NEDD4L: variants seen among roughly 807,000 people sequenced by gnomAD.
NEDD4L encodes NEDD4 like E3 ubiquitin protein ligase.
Under a neutral mutation model 148.9 loss-of-function variants are expected in NEDD4L, and 54 were observed. The ratio of observed to expected loss-of-function variants is 0.36; its 90% CI spans 0.29 to 0.45. The LOEUF (loss-of-function observed/expected upper bound fraction) is 0.45. NEDD4L is among the 20% of genes least tolerant of loss of function. NEDD4L has a pLI of 1.00. For synonymous variants in NEDD4L, 433 were observed against 440.7 expected (o/e 0.98, Z 0.22); for missense variants, 856 against 1,233.8 (o/e 0.69, Z 4.59).
Position 58,256,593 on chromosome 18 carries a change from G to T in NEDD4L, c.297+4539G>T, listed in dbSNP as rs368770950. ...GCTGGCAGGATGGCTCCTGAAATCC[G>T]CAGGACGAACTCCGCGGAGAGGACT... On this transcript the variant is annotated intron_variant, in intron 5 of 30. Coordinates refer to ENST00000400345, the MANE Select transcript of NEDD4L (RefSeq NM_001144967.3). This position sits in a 1 kb window ranked among gnomAD's most constrained non-coding sequence, Gnocchi z 5.2. 8.1e-6 allele frequency: 10 copies of T among 1,232,268 alleles called. No homozygotes were observed. The highest frequency in any genetic ancestry group is 1.5e-5 in the African/African-American group (1 of 64,554). The allele number at this position is 1,232,268 out of a possible 1,614,324, so 76.3% of individuals were successfully genotyped here.
intron 10 of NEDD4L, among the ~76,000 whole-genome samples, chr18:58,329,428 C>T (rs1022555822): frequency 3.3e-5 from 5 of 152,076 alleles, no homozygotes; most frequent in African/African-American, 1.2e-4. Context: ...GCAGTCTTGG[C>T]TCACTGCAAC....
At chr18:58,122,593 A>C (rs1292664830) in intron 1 of NEDD4L, among the ~76,000 whole-genome samples, 2 of 152,174 alleles carry the variant, frequency 1.3e-5, no homozygotes. Flanking sequence ...AGAGACTTAA[A>C]ATTTGTGGTA....
intron 2 of NEDD4L, among the ~76,000 whole-genome samples, chr18:58,172,715 G>A (rs1023564491): frequency 5.9e-5 from 9 of 152,188 alleles, no homozygotes; most frequent in African/African-American, 1.7e-4. Context: ...ATTAGATTCT[G>A]CCTAAATCTT....
chr18:58,234,042 T>TC (rs2045586154), intron 2 of NEDD4L, among the ~76,000 whole-genome samples: 1 of 149,688 alleles, frequency 6.7e-6, no homozygotes, highest in Non-Finnish European at 1.5e-5. Context: ...CTCATTTCTT[T>TC]CCTTTTCTTT....
At chr18:58,290,013 A>G (rs1329434485) in intron 5 of NEDD4L, among the ~76,000 whole-genome samples, 1 of 152,234 alleles carries the variant, frequency 6.6e-6, no homozygotes, top group Non-Finnish European at 1.5e-5. Flanking sequence ...GATATGTTTA[A>G]TATTCATCTA....
At position 58,044,500 on chromosome 18, in the gene NEDD4L, CG is replaced by C; in HGVS notation, c.-158del. ...GCCGGCAGCGTCCAGGGCGCGCTCT[CG>C]GGCACCCTCACCTGCCGGCGCCCGG... On this transcript the variant is annotated 5_prime_UTR_variant, in exon 1 of 31. Transcript: ENST00000400345. 1 of 993,954 alleles carries C rather than the reference CG, an allele frequency of 1.0e-6. No homozygotes were observed. Among genetic ancestry groups the C allele is most frequent in the Non-Finnish European group, 1.3e-6 (1 of 764,088 alleles). The allele number at this position is 993,954 out of a possible 1,614,324, so 61.6% of individuals were successfully genotyped here. A position where few individuals can be genotyped will look rare whatever the true frequency, so the allele number is the denominator to read the frequency against.
At chr18:58,059,417 G>T (rs533596836) in intron 1 of NEDD4L, among the ~76,000 whole-genome samples, 3 of 152,298 alleles carry the variant, frequency 2.0e-5, no homozygotes, top group African/African-American at 4.8e-5. Flanking sequence ...TCTTAAAAGG[G>T]CAAAGAAGGT....
chr18:58,192,125 T>G (rs918985066), intron 2 of NEDD4L, among the ~76,000 whole-genome samples: 3 of 152,156 alleles, frequency 2.0e-5, no homozygotes, highest in African/African-American at 7.2e-5. Context: ...GAGCTGAGAT[T>G]GCACCATTGC....
At chr18:58,356,562 T>G (rs1418089625) in intron 18 of NEDD4L, among the ~76,000 whole-genome samples, 1 of 152,212 alleles carries the variant, frequency 6.6e-6, no homozygotes, top group Non-Finnish European at 1.5e-5. Context: ...ATTAACTCAC[T>G]TGGAAGAAAG....
intron 5 of NEDD4L, among the ~76,000 whole-genome samples, chr18:58,282,150 T>G (rs1047665304): frequency 8.9e-6 from 1 of 112,148 alleles, no homozygotes; most frequent in Non-Finnish European, 1.9e-5. Flanking sequence ...AAGGTCTCTC[T>G]GAGTTTCACA....
rs1390594086 is a variant in NEDD4L, at chr18:58,333,892, G to A, written c.1065G>A (p.Pro355=). ...DAVAEQGHLP[P]PSAPAGRARS... is the part of the protein sequence containing the mutation. ...TTGCAGAACAGGGCCATCTACCACCGGTAACCCATGCTAATTTCCAGTCAT... is the reference window on the plus strand; with the variant it reads ...TTGCAGAACAGGGCCATCTACCACCAGTAACCCATGCTAATTTCCAGTCAT... The change falls in exon 12 of 31, where the codon CCG becomes CCA. Residue 355 remains proline (P), a splice_region_variant and synonymous_variant. Transcript: ENST00000400345. 3.7e-6 allele frequency: 6 copies of A among 1,605,012 alleles called. No homozygotes were observed. The highest frequency in any genetic ancestry group is 1.7e-5 in the Admixed American group (1 of 59,090).
At chr18:58,396,098 A>G (rs997760475) in intron 30 of NEDD4L, 69 bp from the exon 31 acceptor site, 4 of 1,025,818 alleles carry the variant, frequency 3.9e-6, no homozygotes, top group African/African-American at 3.2e-5. Context: ...CTCAAACCTC[A>G]TGCCCTATTA....
At chr18:58,078,938 C>T (rs1258307157) in intron 1 of NEDD4L, among the ~76,000 whole-genome samples, 1 of 152,080 alleles carries the variant, frequency 6.6e-6, no homozygotes, top group East Asian at 1.9e-4. Flanking sequence ...TCACACCTGT[C>T]ATTGAGGGAA....
At chr18:58,202,647 C>T (rs1055178224) in intron 2 of NEDD4L, among the ~76,000 whole-genome samples, 1 of 152,234 alleles carries the variant, frequency 6.6e-6, no homozygotes, top group Non-Finnish European at 1.5e-5. Flanking sequence ...ACACCAGCCT[C>T]CCCCTGGAAG....
chr18:58,048,367 G>T (rs1296798963), intron 1 of NEDD4L, among the ~76,000 whole-genome samples: 1 of 152,122 alleles, frequency 6.6e-6, no homozygotes, highest in Non-Finnish European at 1.5e-5. Flanking sequence ...TTTAAGATGC[G>T]CCATGAGAGC....
chr18:58,213,346 C>T (rs187883767), intron 2 of NEDD4L, among the ~76,000 whole-genome samples: 14 of 152,218 alleles, frequency 9.2e-5, no homozygotes, highest in Admixed American at 2.0e-4. Context: ...AGTTGAAAAA[C>T]GGCCAATTTA....
chr18:58,134,358 CTTTTTTTTTTTTTTT>C (rs926932340), intron 1 of NEDD4L, among the ~76,000 whole-genome samples: 1 of 11,948 alleles, frequency 8.4e-5, no homozygotes, highest in African/African-American at 8.2e-4. Context: ...AATTCCATTT[CTTTTTTTTTTTTTTT>C]TTTTTTTTTT....
At chr18:58,238,240 G>A (rs1015618813) in intron 2 of NEDD4L, among the ~76,000 whole-genome samples, 25 of 152,212 alleles carry the variant, frequency 1.6e-4, no homozygotes, top group Admixed American at 4.6e-4. Flanking sequence ...AGATATGTAC[G>A]TTTTGTTTTC....
chr18:58,073,932 G>A (rs1056225804), intron 1 of NEDD4L, among the ~76,000 whole-genome samples: 1 of 152,150 alleles, frequency 6.6e-6, no homozygotes, highest in Non-Finnish European at 1.5e-5. Flanking sequence ...TTAGTAAAGC[G>A]GTGCATTAAG....
Sources: gnomAD v4.1 joint callset for allele counts (sites outside exome capture counted in the v4.1 genomes callset) on GRCh38, gnomAD v4.1.1 for gene constraint, Gnocchi (gnomAD v3.1) non-coding constraint, MANE v1.5 for transcripts, NCBI Gene and HGNC (gene_info 2026-07-23, HGNC 2026-07-21) for gene names.